The following KCNH8 variants were observed in gnomAD, a reference collection of about 807,000 sequenced individuals.
The protein encoded by KCNH8 is potassium voltage-gated channel subfamily H member 8, also known as voltage-gated delayed rectifier potassium channel KCNH8.
In KCNH8, 70 loss-of-function variants were observed where a neutral mutation model predicts 103.6. That is an observed-to-expected ratio of 0.68 (90% CI 0.56 to 0.82). The LOEUF is 0.82. KCNH8 is among the 40% of genes least tolerant of loss of function. The probability of loss-of-function intolerance (pLI) is 0.00; values close to 1 mark genes in which losing one functional copy is unlikely to be tolerated. For missense variants in KCNH8, 1,217 were observed against 1,329.9 expected (o/e 0.92, Z 1.32); for synonymous variants, 498 against 489.4 (o/e 1.02, Z -0.23).
chr3:19,273,184 C>T (rs924185902), intron 2 of KCNH8, among the ~76,000 whole-genome samples: 1 of 152,194 alleles, frequency 6.6e-6, no homozygotes, highest in Admixed American at 6.5e-5. Flanking sequence ...TAGATTCCTC[C>T]AACTAAAGCC....
At chr3:19,375,255 G>T (rs899476514) in intron 5 of KCNH8, among the ~76,000 whole-genome samples, 6 of 151,752 alleles carry the variant, frequency 4.0e-5, no homozygotes, top group Non-Finnish European at 8.8e-5. Flanking sequence ...ATCAGACGTA[G>T]ATTTGGTCTT....
At chr3:19,388,638 A>G (rs138415256) in intron 5 of KCNH8, among the ~76,000 whole-genome samples, 1 of 152,298 alleles carries the variant, frequency 6.6e-6, no homozygotes, top group Non-Finnish European at 1.5e-5. Context: ...TGACAAAAAT[A>G]TCACTTTCAA....
chr3:19,240,832 C>T (rs73819506), intron 1 of KCNH8, among the ~76,000 whole-genome samples: 10,757 of 151,526 alleles, frequency 0.071, 1,218 homozygotes, highest in African/African-American at 0.24. Flanking sequence ...CCTTTTTTTT[C>T]CCTCTCCAAC....
chr3:19,391,483 C>A (rs1394754270), intron 6 of KCNH8, among the ~76,000 whole-genome samples: 3 of 151,908 alleles, frequency 2.0e-5, no homozygotes, highest in African/African-American at 7.3e-5. Context: ...ATATTCTAGT[C>A]AATTGACAGT....
intron 1 of KCNH8, among the ~76,000 whole-genome samples, chr3:19,201,382 A>G (rs1559420012): frequency 2.0e-5 from 3 of 151,888 alleles, no homozygotes; most frequent in African/African-American, 7.3e-5. Flanking sequence ...CTAACATTCA[A>G]AATTTAACAA....
chr3:19,313,208 G>A (rs1049154980), intron 3 of KCNH8, among the ~76,000 whole-genome samples: 7 of 151,692 alleles, frequency 4.6e-5, no homozygotes, highest in African/African-American at 1.5e-4. Flanking sequence ...CTCAAAAGGG[G>A]GCTTAGGATT....
intron 5 of KCNH8, among the ~76,000 whole-genome samples, chr3:19,386,166 G>C (rs948713083): frequency 2.0e-5 from 3 of 152,104 alleles, no homozygotes; most frequent in Non-Finnish European, 4.4e-5. Context: ...TAGACACTTA[G>C]TGTGGGAGAT....
chr3:19,347,689 G>A (rs1486037927), intron 4 of KCNH8, 36 bp from the exon 5 acceptor site: 1 of 1,607,820 alleles, frequency 6.2e-7, no homozygotes, highest in Admixed American at 1.7e-5. Context: ...CTAATGTTGT[G>A]TTTCTCCTTT....
intron 3 of KCNH8, among the ~76,000 whole-genome samples, chr3:19,295,989 G>A (rs1430778398): frequency 1.3e-5 from 2 of 152,086 alleles, no homozygotes; most frequent in South Asian, 2.1e-4. Flanking sequence ...TTTTCAGACA[G>A]TAGGAAAAAA....
At chr3:19,332,894 A>C (rs1013616009) in intron 3 of KCNH8, among the ~76,000 whole-genome samples, 4 of 152,102 alleles carry the variant, frequency 2.6e-5, no homozygotes, top group African/African-American at 7.2e-5. Flanking sequence ...TGGCCTCCCA[A>C]AGTGCTGGGA....
intron 1 of KCNH8, among the ~76,000 whole-genome samples, chr3:19,177,533 A>G (rs918647671): frequency 6.6e-6 from 1 of 152,068 alleles, no homozygotes; most frequent in African/African-American, 2.4e-5. Flanking sequence ...GTTTTAGGGA[A>G]ATACCTCTTT....
At chr3:19,427,127 G>A (rs1223277527) in intron 7 of KCNH8, among the ~76,000 whole-genome samples, 1 of 152,176 alleles carries the variant, frequency 6.6e-6, no homozygotes, top group East Asian at 1.9e-4. Flanking sequence ...GTTAGATCTA[G>A]ATATCGACTA....
At position 19,512,818 on chromosome 3, in the gene KCNH8, A is replaced by G. The variant is rs2068804808; in HGVS notation, c.2080-152A>G. On this transcript the variant is annotated intron_variant, in intron 12 of 15. Transcript: ENST00000328405. Reference sequence around the variant, plus strand: ...GTGGGAAGACCTTTAACACCTGATAAAATAATAACAAAATCTGCAAAGACT... The same window carrying G: ...GTGGGAAGACCTTTAACACCTGATAGAATAATAACAAAATCTGCAAAGACT... 3 of 688,790 alleles carry G rather than the reference A, an allele frequency of 4.4e-6. No individual in the cohort carries two copies. In the South Asian group the frequency reaches 6.0e-5, roughly 14 times the overall value. 42.7% of individuals were successfully genotyped at this position (688,790 alleles called of 1,614,324 possible).
intron 11 of KCNH8, among the ~76,000 whole-genome samples, chr3:19,464,777 A>G (rs901560980): frequency 6.6e-6 from 1 of 152,126 alleles, no homozygotes; most frequent in Non-Finnish European, 1.5e-5. Context: ...TCCAAATGGC[A>G]TATCCAAATG....
chr3:19,477,432 T>A (rs2068000553), intron 11 of KCNH8, among the ~76,000 whole-genome samples: 2 of 151,940 alleles, frequency 1.3e-5, no homozygotes, highest in African/African-American at 4.8e-5. Context: ...TTCTTTTTTT[T>A]TTTTTAACTG....
At chr3:19,387,751 G>T (rs1449735828) in intron 5 of KCNH8, among the ~76,000 whole-genome samples, 1 of 151,950 alleles carries the variant, frequency 6.6e-6, no homozygotes, top group African/African-American at 2.4e-5. Context: ...TTGTATAGAT[G>T]TTTTAAAATC....
At chr3:19,437,853 A>G (rs1309312285) in intron 7 of KCNH8, among the ~76,000 whole-genome samples, 4 of 152,202 alleles carry the variant, frequency 2.6e-5, no homozygotes, top group Non-Finnish European at 4.4e-5. Flanking sequence ...GAAATAAACA[A>G]CACTGTTTCT....
chr3:19,492,154 G>C (rs570737360), intron 11 of KCNH8, among the ~76,000 whole-genome samples: 1 of 151,976 alleles, frequency 6.6e-6, no homozygotes, highest in African/African-American at 2.4e-5. Flanking sequence ...AGTTTCTTTT[G>C]TTATGCAGAA....
At chr3:19,453,723 C>T (rs557472431) in intron 10 of KCNH8, among the ~76,000 whole-genome samples, 43 of 152,184 alleles carry the variant, frequency 2.8e-4, no homozygotes, top group South Asian at 8.3e-4. Context: ...CTCCCATGTG[C>T]GGACACAACG....
Sources: gnomAD v4.1 joint callset for allele counts (sites outside exome capture counted in the v4.1 genomes callset) on GRCh38, gnomAD v4.1.1 for gene constraint, MANE v1.5 for transcripts, NCBI Gene and HGNC (gene_info 2026-07-23, HGNC 2026-07-21) for gene names.